SMURF2: variants seen among roughly 807,000 people sequenced by gnomAD.
SMURF2 encodes E3 ubiquitin-protein ligase SMURF2.
Under a neutral mutation model 109.6 loss-of-function variants are expected in SMURF2, and 48 were observed. The ratio of observed to expected loss-of-function variants is 0.44; its 90% CI spans 0.35 to 0.56. The LOEUF (loss-of-function observed/expected upper bound fraction) is 0.56. Among genes scored for constraint, SMURF2 ranks in the 20% least tolerant of loss-of-function variants. SMURF2 has a pLI of 0.01. For synonymous variants in SMURF2, 288 were observed against 317.1 expected, an observed-to-expected ratio of 0.91 and a Z score of 0.97; for missense variants, 575 against 909.0, an observed-to-expected ratio of 0.63 and a Z score of 4.72.
At chr17:64,659,619 T>G (rs578009753) in intron 1 of SMURF2, among the ~76,000 whole-genome samples, 2 of 151,978 alleles carry the variant, frequency 1.3e-5, no homozygotes, top group Non-Finnish European at 2.9e-5. Context: ...CCAGACCAAT[T>G]CCTGGACGCA....
At chr17:64,613,725 TGTGTGTGTGTGTGTGTGTGG>T (rs1555689822) in intron 1 of SMURF2, among the ~76,000 whole-genome samples, 4 of 136,246 alleles carry the variant, frequency 2.9e-5, no homozygotes, top group African/African-American at 1.1e-4. Flanking sequence ...TGTGTGTGTG[TGTGTGTGTGTGTGTGTGTGG>T]AGGGGGGGCA....
At chr17:64,595,317 T>C (rs1323189476) in intron 3 of SMURF2, among the ~76,000 whole-genome samples, 3 of 152,232 alleles carry the variant, frequency 2.0e-5, no homozygotes, top group Non-Finnish European at 2.9e-5. Context: ...CAAATATTCC[T>C]GGGCCAGAAA....
At chr17:64,610,603 G>A (rs1297829555) in intron 1 of SMURF2, among the ~76,000 whole-genome samples, 3 of 152,298 alleles carry the variant, frequency 2.0e-5, no homozygotes, top group Non-Finnish European at 4.4e-5. Flanking sequence ...ACTGGGGCCT[G>A]TTGGCGGGTT....
chr17:64,580,657 G>T, intron 8 of SMURF2, 132 bp downstream of exon 8: 1 of 884,814 alleles, frequency 1.1e-6, no homozygotes, highest in South Asian at 1.7e-5. Context: ...TCAAAGTTGG[G>T]AGGTTTTATA....
At chr17:64,610,080 T>C (rs1970023500) in intron 1 of SMURF2, among the ~76,000 whole-genome samples, 4 of 152,150 alleles carry the variant, frequency 2.6e-5, no homozygotes, top group Admixed American at 1.3e-4. Flanking sequence ...CCAGTTAGAA[T>C]GGCAATCATT....
At chr17:64,645,741 G>A (rs560406833) in intron 1 of SMURF2, among the ~76,000 whole-genome samples, 4 of 152,210 alleles carry the variant, frequency 2.6e-5, no homozygotes, top group East Asian at 1.9e-4. Flanking sequence ...TGAGTAGCTG[G>A]GATTACAGAC....
chr17:64,631,305 A>AGAGAGAGG, intron 1 of SMURF2, among the ~76,000 whole-genome samples: 1 of 119,150 alleles, frequency 8.4e-6, no homozygotes, highest in African/African-American at 3.6e-5. Context: ...AGAGAGAGAG[A>AGAGAGAGG]GAGAGAGAGA....
chr17:64,624,287 A>C (rs1339002981), intron 1 of SMURF2, among the ~76,000 whole-genome samples: 2 of 152,072 alleles, frequency 1.3e-5, no homozygotes, highest in Non-Finnish European at 2.9e-5. Context: ...GCTTGAGCCC[A>C]GGAGTTCAAG....
intron 10 of SMURF2, among the ~76,000 whole-genome samples, chr17:64,570,308 T>C (rs1249591985): frequency 6.6e-6 from 1 of 152,240 alleles, no homozygotes; most frequent in African/African-American, 2.4e-5. Flanking sequence ...GAGCAGGTAA[T>C]GTCACCATTC....
At chr17:64,659,417 T>G (rs1970745525) in intron 1 of SMURF2, among the ~76,000 whole-genome samples, 1 of 152,040 alleles carries the variant, frequency 6.6e-6, no homozygotes, top group Admixed American at 6.6e-5. Context: ...TTTTAAGTGA[T>G]TTTTTTTCCT....
At chr17:64,557,348 A>G (rs1233192371) in intron 13 of SMURF2, among the ~76,000 whole-genome samples, 3 of 152,200 alleles carry the variant, frequency 2.0e-5, no homozygotes, top group Non-Finnish European at 4.4e-5. Context: ...GCTTCATGTC[A>G]TAATTTAATC....
chr17:64,562,845 G>A lies in SMURF2; in HGVS notation c.1138C>T (p.Arg380Trp), dbSNP rs782214721. ...GGCTGTTGTTGGGAAAGTTCTTGCC[G>A]CAAAATTTTTAGTTTCTGAACCAGG... ...RDLVQKLKIL[R>W]QELSQQQPQA... Residue 380 changes from arginine to tryptophan, a missense_variant, in exon 11 of 19, where the codon CGG becomes TGG. Physicochemically the swap from Arg to Trp is moderately radical, Grantham distance 101. This residue lies in a region of SMURF2 where 361 missense variants were observed against 612.1 expected (regional missense o/e 0.59). Transcript: ENST00000262435. 4.3e-6 allele frequency: 7 copies of A among 1,613,974 alleles called. No homozygotes were observed. Among genetic ancestry groups the A allele is most frequent in the African/African-American group, 4.0e-5 (3 of 74,906 alleles).
chr17:64,567,410 C>T (rs1352698544), intron 10 of SMURF2, among the ~76,000 whole-genome samples: 1 of 152,184 alleles, frequency 6.6e-6, no homozygotes, highest in African/African-American at 2.4e-5. Context: ...GAAAAGACAA[C>T]AGACATTTCT....
Position 64,545,880 on chromosome 17 carries a change from T to C in SMURF2, c.2215A>G (p.Ile739Val). The change falls in exon 19 of 19, where the codon ATT becomes GTT. Residue 739 changes from isoleucine (I) to valine (V), a missense_variant. Ile to Val is a conservative substitution (Grantham distance 29). Coordinates refer to ENST00000262435, the MANE Select transcript of SMURF2 (RefSeq NM_022739.4). ...EKLYEKLLTAIEETCGFAVE is the reference protein window; with the variant it reads ...EKLYEKLLTAVEETCGFAVE Reference sequence around the variant, plus strand: ...ACAGCAAATCCACATGTTTCTTCAATGGCTGTTAGCAGCTTTTCATATAGC... The same window carrying C: ...ACAGCAAATCCACATGTTTCTTCAACGGCTGTTAGCAGCTTTTCATATAGC... 6.2e-7 allele frequency: 1 copy of C among 1,611,626 alleles called. No homozygotes were observed.
In SMURF2 at chr17:64,643,272, G is replaced by A. The variant is rs990003917; in HGVS notation, c.52+18557C>T. Among the ~76,000 whole-genome samples the A allele has an allele frequency of 3.3e-5, 5 of 151,964 alleles. No homozygotes were observed. In the East Asian group the frequency reaches 5.8e-4, roughly 18 times the overall value. ...TCCTGAGTTCAAGCCACCCACCTGC[G>A]CTGGCCTCCCAAAGTGCTGAGATTA... On this transcript the variant is annotated intron_variant, in intron 1 of 18. Coordinates refer to ENST00000262435, the MANE Select transcript of SMURF2 (RefSeq NM_022739.4).
At chr17:64,574,632 A>C (rs947275743) in intron 9 of SMURF2, among the ~76,000 whole-genome samples, 8 of 152,240 alleles carry the variant, frequency 5.3e-5, no homozygotes, top group African/African-American at 1.9e-4. Flanking sequence ...CTCCAAAACA[A>C]AAGATGTAAG....
chr17:64,567,156 C>G (rs1555685098), intron 10 of SMURF2, among the ~76,000 whole-genome samples: 1 of 152,086 alleles, frequency 6.6e-6, no homozygotes, highest in African/African-American at 2.4e-5. Context: ...CCATGCCCAG[C>G]CTTAAGCTTT....
At chr17:64,559,128 T>A (rs1969170998) in intron 12 of SMURF2, among the ~76,000 whole-genome samples, 1 of 152,208 alleles carries the variant, frequency 6.6e-6, no homozygotes, top group South Asian at 2.1e-4. Context: ...TGTGTGTATG[T>A]GTTTTTTAAA....
At position 64,556,214 on chromosome 17, in the gene SMURF2, G is replaced by A. The variant is rs2288339; in HGVS notation, c.1432-216C>T. Among the ~76,000 whole-genome samples the A allele has an allele frequency of 5.6e-3, 844 of 151,996 alleles. 45 individuals carry two copies. In the East Asian group the frequency reaches 0.13, roughly 24 times the overall value. ...ACAGGGTAATATGCCCTTCTCGCAG[G>A]GGCCAGTCATTTTGTAAATTTTATC... On this transcript the variant is annotated intron_variant, in intron 13 of 18. Transcript: ENST00000262435.
Sources: gnomAD v4.1 joint callset for allele counts (sites outside exome capture counted in the v4.1 genomes callset) on GRCh38, gnomAD v4.1.1 for gene constraint, gnomAD v4.1.1 regional missense constraint, MANE v1.5 for transcripts, NCBI Gene and HGNC (gene_info 2026-07-23, HGNC 2026-07-21) for gene names.